Variants in PRR16 observed in about 807,000 individuals in gnomAD.
PRR16 encodes the protein proline rich 16, also known as protein Largen.
A neutral mutation model predicts 18.2 loss-of-function variants in PRR16; 6 were observed. The observed-to-expected ratio is 0.33, with a 90% CI of 0.18 to 0.65. PRR16 has a LOEUF of 0.65. PRR16 is among the 30% of genes least tolerant of loss of function. The pLI, the probability that PRR16 is intolerant of heterozygous loss-of-function variation, is 0.74. For missense variants in PRR16, 412 were observed against 376.6 expected (o/e 1.09, Z -0.78); for synonymous variants, 151 against 147.8 (o/e 1.02, Z -0.16).
At chr5:120,785,586 T>TTTTTTTTTTTTTTTTTTTTTTA in the PRR16 span, among the ~76,000 whole-genome samples, 1 of 141,884 alleles carries the variant, frequency 7.0e-6, no homozygotes, top group Non-Finnish European at 1.6e-5. Flanking sequence ...TTTTTTTTTT[T>TTTTTTTTTTTTTTTTTTTTTTA]TTTTGAGACA....
intron 1 of PRR16, among the ~76,000 whole-genome samples, chr5:120,475,415 TC>T (rs1262894125): frequency 6.6e-6 from 1 of 152,212 alleles, no homozygotes; most frequent in Non-Finnish European, 1.5e-5. Flanking sequence ...TTACTTTTTT[TC>T]TTCTGTTTTT....
At chr5:120,707,017 T>C in the PRR16 span, among the ~76,000 whole-genome samples, 1 of 152,198 alleles carries the variant, frequency 6.6e-6, no homozygotes, top group East Asian at 1.9e-4. Context: ...GTTCCCAGAT[T>C]GAGAAGATCT....
intron 1 of PRR16, among the ~76,000 whole-genome samples, chr5:120,501,835 A>C (rs1055631090): frequency 2.0e-5 from 3 of 151,728 alleles, no homozygotes; most frequent in African/African-American, 7.3e-5. Context: ...GGGTGCCTGT[A>C]GTCCCAGCTA....
the PRR16 span, among the ~76,000 whole-genome samples, chr5:120,712,994 C>A: frequency 6.6e-6 from 1 of 152,082 alleles, no homozygotes; most frequent in Non-Finnish European, 1.5e-5. Flanking sequence ...AAATTAGTAA[C>A]TTGAAGAGAT....
chr5:120,686,119 C>T lies in PRR16; in HGVS notation c.325C>T (p.His109Tyr), dbSNP rs1348471838. Residue 109 changes from histidine (H) to tyrosine (Y), a missense_variant, in exon 2 of 2, where the codon CAC becomes TAC. Coordinates refer to ENST00000407149, the MANE Select transcript of PRR16 (RefSeq NM_001300783.2). ...TGCACCGCTTATTAAACCCCCAGCA[C>T]ACCCGTCTGCTATCCTCACGGTCCT... ...ANAPLIKPPA[H>Y]PSAILTVLRK... 14 of 1,614,004 alleles carry T rather than the reference C, an allele frequency of 8.7e-6. No homozygotes were observed. The highest frequency in any genetic ancestry group is 1.7e-5 in the Admixed American group (1 of 60,000).
At chr5:120,679,688 C>A (rs531671712) in intron 1 of PRR16, among the ~76,000 whole-genome samples, 3 of 151,970 alleles carry the variant, frequency 2.0e-5, no homozygotes, top group African/African-American at 7.2e-5. Context: ...GGAAGAAACC[C>A]TGCCGTTTGC....
intron 1 of PRR16, among the ~76,000 whole-genome samples, chr5:120,539,201 T>C (rs2112679661): frequency 6.6e-6 from 1 of 152,034 alleles, no homozygotes; most frequent in Non-Finnish European, 1.5e-5. Flanking sequence ...TTTAAAATCA[T>C]AGTATTGGCA....
intron 1 of PRR16, among the ~76,000 whole-genome samples, chr5:120,498,134 G>A (rs1750322287): frequency 6.6e-6 from 1 of 150,924 alleles, no homozygotes; most frequent in Non-Finnish European, 1.5e-5. Flanking sequence ...CTTCTTGTGG[G>A]TTACTTGAAA....
chr5:120,527,704 C>A (rs1751416268), intron 1 of PRR16, among the ~76,000 whole-genome samples: 1 of 152,164 alleles, frequency 6.6e-6, no homozygotes, highest in African/African-American at 2.4e-5. Flanking sequence ...TTGCTTTTTG[C>A]ACTTGCATGA....
At chr5:120,724,886 G>C in the PRR16 span, among the ~76,000 whole-genome samples, 1 of 151,740 alleles carries the variant, frequency 6.6e-6, no homozygotes, top group Non-Finnish European at 1.5e-5. Context: ...AGCCTTAATG[G>C]TATCTGTATT....
At chr5:120,490,613 C>G (rs148584364) in intron 1 of PRR16, among the ~76,000 whole-genome samples, 24,220 of 152,074 alleles carry the variant, frequency 0.16, 2,019 homozygotes, top group Non-Finnish European at 0.18. Flanking sequence ...TCCTTTAGCT[C>G]GGAGTAGTTT....
the PRR16 span, among the ~76,000 whole-genome samples, chr5:120,788,403 A>G: frequency 1.3e-5 from 2 of 152,128 alleles, no homozygotes; most frequent in Admixed American, 6.6e-5. Flanking sequence ...CTTTGTTTCA[A>G]ATCCATGAAT....
At chr5:120,771,995 A>T in the PRR16 span, among the ~76,000 whole-genome samples, 2 of 152,060 alleles carry the variant, frequency 1.3e-5, no homozygotes, top group Non-Finnish European at 2.9e-5. Flanking sequence ...TGAGTGTCAG[A>T]TTGATATTAT....
chr5:120,755,943 T>A, the PRR16 span, among the ~76,000 whole-genome samples: 2 of 152,154 alleles, frequency 1.3e-5, no homozygotes, highest in African/African-American at 2.4e-5. Context: ...TACAGAATTT[T>A]CTGGGGTTTA....
chr5:120,710,743 C>G, the PRR16 span: 1 of 152,168 alleles, frequency 6.6e-6, no homozygotes, highest in Non-Finnish European at 1.5e-5. Context: ...TATCAGACTT[C>G]AAGTCATCAT....
intron 1 of PRR16, among the ~76,000 whole-genome samples, chr5:120,590,411 G>A (rs1456719288): frequency 6.6e-6 from 1 of 152,082 alleles, no homozygotes; most frequent in East Asian, 1.9e-4. Context: ...TTATCCACAA[G>A]TATTTTGTCA....
At chr5:120,533,768 A>C (rs1439352115) in intron 1 of PRR16, among the ~76,000 whole-genome samples, 2 of 152,204 alleles carry the variant, frequency 1.3e-5, no homozygotes, top group Non-Finnish European at 2.9e-5. Context: ...ATCCTTGCAA[A>C]ACTTTTAACT....
chr5:120,503,082 C>A lies in PRR16; in HGVS notation c.159+38437C>A, dbSNP rs182630619. 2.7e-3 allele frequency among the ~76,000 whole-genome samples: 418 copies of A among 152,168 alleles called. 2 individuals are homozygous for A. The highest frequency in any genetic ancestry group is 9.7e-3 in the African/African-American group (404 of 41,534). On this transcript the variant is annotated intron_variant, in intron 1 of 1. Transcript: ENST00000407149. ...GATAATTGTTACAATTTTAGTTAAT[C>A]TTGGTTAAAGACATTGAAAGCCCTT...
At chr5:120,530,129 C>T (rs951775746) in intron 1 of PRR16, among the ~76,000 whole-genome samples, 3 of 148,250 alleles carry the variant, frequency 2.0e-5, no homozygotes, top group African/African-American at 7.4e-5. Flanking sequence ...AAAATGTTGA[C>T]CTTGTAAATA....
Sources: gnomAD v4.1 joint callset for allele counts (sites outside exome capture counted in the v4.1 genomes callset) on GRCh38, gnomAD v4.1.1 for gene constraint, MANE v1.5 for transcripts, NCBI Gene and HGNC (gene_info 2026-07-23, HGNC 2026-07-21) for gene names.